The following OPCML variants were observed in gnomAD, a reference collection of about 807,000 sequenced individuals.
OPCML encodes the protein opioid binding protein/cell adhesion molecule like.
In OPCML, 13 loss-of-function variants were observed where a neutral mutation model predicts 37.8. That is an observed-to-expected ratio of 0.34 (90% CI 0.22 to 0.55). The LOEUF is 0.55. Among genes scored for constraint, OPCML ranks in the 20% least tolerant of loss-of-function variants. OPCML has a pLI of 0.91. For missense variants in OPCML, 341 were observed against 435.6 expected (o/e 0.78, Z 1.93); for synonymous variants, 176 against 168.8 (o/e 1.04, Z -0.33).
rs532278303 is a variant in OPCML, at chr11:133,140,815, G to A, written c.62-197805C>T. 1.5e-3 allele frequency among the ~76,000 whole-genome samples: 78 copies of A among 51,190 alleles called. 9 individuals carry two copies. The highest frequency in any genetic ancestry group is 3.6e-3 in the African/African-American group (78 of 21,478). The allele number at this position is 51,190 out of a possible 152,430, so 33.6% of individuals were successfully genotyped here. ...AGAAGAAGAAGAAGAAGACGACGAC[G>A]AAGAAGAAGACGACGACGAAGAAGA... On this transcript the variant is annotated intron_variant, in intron 1 of 7. Transcript: ENST00000524381.
intron 3 of OPCML, among the ~76,000 whole-genome samples, chr11:132,607,371 C>T (rs543300769): frequency 4.9e-4 from 74 of 152,222 alleles, no homozygotes; most frequent in East Asian, 9.7e-4. Context: ...TCTTTGAACA[C>T]GAAGTATGGA....
chr11:133,373,287 C>G (rs1944715980), intron 1 of OPCML, among the ~76,000 whole-genome samples: 1 of 151,570 alleles, frequency 6.6e-6, no homozygotes, highest in African/African-American at 2.4e-5. Flanking sequence ...AAGTGGCCAG[C>G]CGCAGGGGCT....
At chr11:133,220,354 T>C (rs981699353) in intron 1 of OPCML, among the ~76,000 whole-genome samples, 1 of 152,056 alleles carries the variant, frequency 6.6e-6, no homozygotes, top group Non-Finnish European at 1.5e-5. Context: ...AAGAAGTCCA[T>C]TAGGACAAAA....
chr11:132,633,549 G>C (rs1414796474), intron 3 of OPCML, among the ~76,000 whole-genome samples: 3 of 152,166 alleles, frequency 2.0e-5, no homozygotes, highest in African/African-American at 7.2e-5. Context: ...CAGGAAGTGC[G>C]AGGAGGCCCC....
chr11:132,663,268 A>T (rs1292264167), intron 2 of OPCML, among the ~76,000 whole-genome samples: 1 of 152,220 alleles, frequency 6.6e-6, no homozygotes, highest in African/African-American at 2.4e-5. Flanking sequence ...ATACATATTT[A>T]TAGTGATAAA....
chr11:132,800,546 T>C (rs761151678), intron 2 of OPCML, among the ~76,000 whole-genome samples: 17 of 152,170 alleles, frequency 1.1e-4, no homozygotes, highest in Non-Finnish European at 2.2e-4. Context: ...AAGTTGTAGA[T>C]TTTTTACATA....
At chr11:132,933,454 A>G (rs1945274673) in intron 2 of OPCML, among the ~76,000 whole-genome samples, 1 of 152,192 alleles carries the variant, frequency 6.6e-6, no homozygotes, top group Non-Finnish European at 1.5e-5. Flanking sequence ...AACAGCAACT[A>G]TTTAGGGAGA....
chr11:133,015,447 GGAAGGAAT>G (rs1565398960), intron 1 of OPCML, among the ~76,000 whole-genome samples: 24 of 122,462 alleles, frequency 2.0e-4, no homozygotes, highest in African/African-American at 4.2e-4. Flanking sequence ...AAGGAAGGAA[GGAAGGAAT>G]GAAGGAAGGA....
chr11:133,197,504 C>A (rs940989771), intron 1 of OPCML, among the ~76,000 whole-genome samples: 1 of 152,130 alleles, frequency 6.6e-6, no homozygotes, highest in African/African-American at 2.4e-5. Flanking sequence ...GGACTCATTA[C>A]CACATCTCAC....
intron 1 of OPCML, among the ~76,000 whole-genome samples, chr11:133,340,670 C>A (rs1477759359): frequency 1.3e-5 from 2 of 149,642 alleles, no homozygotes; most frequent in Non-Finnish European, 3.0e-5. Context: ...ACATTTCCCT[C>A]TACCTCTTCT....
intron 1 of OPCML, among the ~76,000 whole-genome samples, chr11:132,995,683 T>C (rs1334690914): frequency 2.0e-5 from 3 of 152,108 alleles, no homozygotes; most frequent in African/African-American, 7.2e-5. Flanking sequence ...AAGTTCTTGG[T>C]CCCAATGTCA....
intron 1 of OPCML, among the ~76,000 whole-genome samples, chr11:133,003,215 G>T (rs1298982421): frequency 6.6e-6 from 1 of 152,190 alleles, no homozygotes; most frequent in African/African-American, 2.4e-5. Context: ...GAAAGCAATA[G>T]AAATTTATTA....
At chr11:133,331,836 C>G (rs1943625680) in intron 1 of OPCML, among the ~76,000 whole-genome samples, 2 of 151,918 alleles carry the variant, frequency 1.3e-5, no homozygotes, top group Admixed American at 1.3e-4. Flanking sequence ...TTATAAAAAC[C>G]TACAGAAAGT....
intron 1 of OPCML, among the ~76,000 whole-genome samples, chr11:133,036,175 G>A (rs920769729): frequency 6.6e-6 from 1 of 152,310 alleles, no homozygotes; most frequent in South Asian, 2.1e-4. Flanking sequence ...GTGGCTACTG[G>A]ACAACAAATG....
intron 3 of OPCML, among the ~76,000 whole-genome samples, chr11:132,569,922 A>C (rs2096433321): frequency 6.6e-6 from 1 of 151,870 alleles, no homozygotes; most frequent in African/African-American, 2.4e-5. Flanking sequence ...CACCACCCAG[A>C]GGCCTTGATC....
In OPCML at chr11:132,657,205, T is replaced by A. The variant is rs781129630; in HGVS notation, c.261A>T (p.Thr87=). 6.2e-7 allele frequency: 1 copy of A among 1,614,238 alleles called. No homozygotes were observed. Among genetic ancestry groups the A allele is most frequent in the Non-Finnish European group, 8.5e-7 (1 of 1,180,046 alleles). The change falls in exon 3 of 8, where the codon ACA becomes ACT. Residue 87 remains threonine (T), a synonymous_variant. Coordinates refer to ENST00000524381, the MANE Select transcript of OPCML (RefSeq NM_001012393.5). ...IDPRVIILVN[T]PTQYSIMIQN... ...GGATCATGATGCTGTACTGGGTTGG[T>A]GTATTGACCAGGATGATCACACGAG... is the stretch of plus-strand genomic sequence containing the variant.
At chr11:133,246,776 G>A (rs994588187) in intron 1 of OPCML, among the ~76,000 whole-genome samples, 1 of 152,180 alleles carries the variant, frequency 6.6e-6, no homozygotes, top group African/African-American at 2.4e-5. Context: ...TTGGAAACCA[G>A]CAAACAAGTT....
intron 1 of OPCML, among the ~76,000 whole-genome samples, chr11:133,058,010 T>G (rs1948271654): frequency 6.6e-6 from 1 of 152,222 alleles, no homozygotes; most frequent in South Asian, 2.1e-4. Context: ...TAGGAATACC[T>G]CCAGGGCTAG....
intron 1 of OPCML, among the ~76,000 whole-genome samples, chr11:133,319,855 G>A (rs1226953657): frequency 6.6e-6 from 1 of 152,218 alleles, no homozygotes; most frequent in East Asian, 1.9e-4. Flanking sequence ...TGTGGCTCCT[G>A]GCTACTGACA....
Sources: gnomAD v4.1 joint callset for allele counts (sites outside exome capture counted in the v4.1 genomes callset) on GRCh38, gnomAD v4.1.1 for gene constraint, MANE v1.5 for transcripts, NCBI Gene and HGNC (gene_info 2026-07-23, HGNC 2026-07-21) for gene names.